CNTNAP3B: variants seen among roughly 807,000 people sequenced by gnomAD.
CNTNAP3B encodes contactin associated protein family member 3B, also known as contactin-associated protein-like 3B.
In CNTNAP3B, 25 loss-of-function variants were observed where a neutral mutation model predicts 108.9. The ratio of observed to expected loss-of-function variants is 0.23; its 90% CI spans 0.17 to 0.32. CNTNAP3B has a LOEUF of 0.32. Among genes scored for constraint, CNTNAP3B ranks in the 10% least tolerant of loss-of-function variants. The probability of loss-of-function intolerance (pLI) is 1.00; values close to 1 mark genes in which losing one functional copy is unlikely to be tolerated. For missense variants in CNTNAP3B, 252 were observed against 1,210.4 expected, an observed-to-expected ratio of 0.21 and a Z score of 11.75; for synonymous variants, 103 against 473.4, an observed-to-expected ratio of 0.22 and a Z score of 10.16.
chr9:41,939,323 T>G (rs1824260411), intron 13 of CNTNAP3B, among the ~76,000 whole-genome samples: 1 of 152,308 alleles, frequency 6.6e-6, no homozygotes, highest in Non-Finnish European at 1.5e-5. Flanking sequence ...TAAACATGCT[T>G]GATCATGTGG....
chr9:42,079,459 G>A (rs1436124837), intron 2 of CNTNAP3B, among the ~76,000 whole-genome samples: 1 of 119,058 alleles, frequency 8.4e-6, no homozygotes, highest in Non-Finnish European at 1.7e-5. Context: ...CAACACTACT[G>A]AAACTGTGTA....
chr9:42,001,381 C>G (rs1223869896), intron 4 of CNTNAP3B, among the ~76,000 whole-genome samples: 1 of 129,960 alleles, frequency 7.7e-6, no homozygotes, highest in African/African-American at 3.2e-5. Context: ...GTCACTGCAC[C>G]CCAGCCTGGG....
At chr9:41,950,747 C>CTTTT (rs1196034038) in intron 13 of CNTNAP3B, among the ~76,000 whole-genome samples, 16 of 92,416 alleles carry the variant, frequency 1.7e-4, no homozygotes, top group Non-Finnish European at 2.6e-4. Context: ...AGGAGGAATT[C>CTTTT]TTTTTTTTTT....
At chr9:42,115,000 G>A (rs1828280991) in intron 1 of CNTNAP3B, among the ~76,000 whole-genome samples, 1 of 137,160 alleles carries the variant, frequency 7.3e-6, no homozygotes, top group Admixed American at 7.3e-5. Context: ...GTTGCAGTGA[G>A]CCAAGATTGT....
intron 18 of CNTNAP3B, among the ~76,000 whole-genome samples, chr9:41,915,843 T>C (rs916541446): frequency 4.6e-5 from 7 of 151,368 alleles, no homozygotes; most frequent in East Asian, 3.9e-4. Context: ...TCCTACTAGG[T>C]TTTGGTATAT....
intron 1 of CNTNAP3B, among the ~76,000 whole-genome samples, chr9:42,116,672 A>T (rs1413342319): frequency 2.1e-5 from 3 of 139,970 alleles, no homozygotes; most frequent in African/African-American, 8.5e-5. Context: ...CACACATAAC[A>T]ATATTAACCT....
intron 7 of CNTNAP3B, chr9:41,994,514 C>T (rs931247401): frequency 1.6e-4 from 15 of 93,134 alleles, no homozygotes; most frequent in Non-Finnish European, 2.5e-4. Flanking sequence ...TGTTATCACT[C>T]TTCCCTTTGG....
chr9:42,078,829 CCA>C (rs1339610574), intron 2 of CNTNAP3B, among the ~76,000 whole-genome samples: 5 of 150,572 alleles, frequency 3.3e-5, no homozygotes, highest in Admixed American at 3.3e-4. Flanking sequence ...GGAACTACTT[CCA>C]CAGTTTCTTC....
At chr9:42,057,582 GA>G in intron 3 of CNTNAP3B, among the ~76,000 whole-genome samples, 1 of 121,004 alleles carries the variant, frequency 8.3e-6, no homozygotes, top group East Asian at 2.8e-4. Context: ...ATCCTTTTAT[GA>G]AAATTAATTT....
chr9:41,937,315 C>T (rs1412348743), intron 14 of CNTNAP3B, among the ~76,000 whole-genome samples: 159 of 151,818 alleles, frequency 1.0e-3, no homozygotes, highest in Non-Finnish European at 1.8e-3. Context: ...TCAGTGGAGA[C>T]GGGGTTTCGC....
chr9:41,958,301 TTTG>T (rs1255940006), intron 12 of CNTNAP3B, among the ~76,000 whole-genome samples: 226 of 152,222 alleles, frequency 1.5e-3, no homozygotes, highest in African/African-American at 4.5e-3. Context: ...ACAATGCTGT[TTTG>T]TTGTTGTTTT....
chr9:42,029,917 T>C (rs1419958851), intron 3 of CNTNAP3B, among the ~76,000 whole-genome samples: 1 of 28,604 alleles, frequency 3.5e-5, no homozygotes, highest in African/African-American at 1.1e-4. Context: ...CTGAGGTGGG[T>C]GGATCACGAG....
In CNTNAP3B at chr9:42,127,086, T is replaced by C. The variant is rs565065269; in HGVS notation, c.85+1924A>G. 7.8e-4 allele frequency among the ~76,000 whole-genome samples: 108 copies of C among 139,286 alleles called. 21 individuals are homozygous for C. Among genetic ancestry groups the C allele is most frequent in the African/African-American group, 3.1e-3 (108 of 35,090 alleles). The allele number at this position is 139,286 out of a possible 152,430, so 91.4% of individuals were successfully genotyped here. Reference sequence around the variant, plus strand: ...ACATAGTTTTATCTGGAAGAATTACTTGATCTAAAAGGTAATTTAAAATTA... The same window carrying C: ...ACATAGTTTTATCTGGAAGAATTACCTGATCTAAAAGGTAATTTAAAATTA... On this transcript the variant is annotated intron_variant, in intron 1 of 23. Coordinates refer to ENST00000377561, the MANE Select transcript of CNTNAP3B (RefSeq NM_001201380.3).
intron 1 of CNTNAP3B, among the ~76,000 whole-genome samples, chr9:42,112,145 G>A (rs1403158941): frequency 7.2e-6 from 1 of 139,770 alleles, no homozygotes; most frequent in African/African-American, 2.8e-5. Flanking sequence ...AATGTGGGAT[G>A]CATGCACCAA....
At chr9:41,947,251 A>G (rs1467299369) in intron 13 of CNTNAP3B, among the ~76,000 whole-genome samples, 24 of 152,032 alleles carry the variant, frequency 1.6e-4, no homozygotes, top group African/African-American at 5.8e-4. Context: ...TACAAGACAG[A>G]CCATATCCCT....
chr9:41,923,800 G>A lies in CNTNAP3B; in HGVS notation c.2536+123C>T, dbSNP rs1204761802. The A allele has an allele frequency of 1.4e-5, 21 of 1,457,614 alleles. No homozygotes were observed. In the African/African-American group the frequency reaches 2.0e-4, roughly 14 times the overall value. The allele number at this position is 1,457,614 out of a possible 1,614,324, so 90.3% of individuals were successfully genotyped here. On this transcript the variant is annotated intron_variant, in intron 16 of 23. Coordinates refer to ENST00000377561, the MANE Select transcript of CNTNAP3B (RefSeq NM_001201380.3). Reference sequence around the variant, plus strand: ...CAAAAAATTACCTAAAATCATAGAAGTTTAGTGTTTTATAATGAAATAGAA... The same window carrying A: ...CAAAAAATTACCTAAAATCATAGAAATTTAGTGTTTTATAATGAAATAGAA...
chr9:41,953,278 C>A lies in CNTNAP3B; in HGVS notation c.1985G>T (p.Gly662Val), dbSNP rs748638894. The change falls in exon 13 of 24, where the codon GGC (glycine) becomes GTC (valine). Residue 662 changes from glycine (G) to valine (V), a missense_variant. Physicochemically the swap from Gly to Val is moderately radical, Grantham distance 109 (BLOSUM62 -3). Transcript: ENST00000377561. The stretch of plus-strand genomic sequence containing the variant: ...CACCGCGGCCCGCAGCTGCCCCGCG[C>A]CCGCTGCGTACGCGAAGGACACAGC... ...LSAVSFAYAAGAGQLRAAVNL... is the reference protein window; with the variant it reads ...LSAVSFAYAAVAGQLRAAVNL... 1.3e-6 allele frequency: 2 copies of A among 1,528,600 alleles called. No homozygotes were observed. The highest frequency in any genetic ancestry group is 1.7e-6 in the Non-Finnish European group (2 of 1,145,876). 94.7% of individuals were successfully genotyped at this position (1,528,600 alleles called of 1,614,324 possible). A position where few individuals can be genotyped will look rare whatever the true frequency, so the allele number is the denominator to read the frequency against.
chr9:41,933,330 G>T (rs1184196054), intron 14 of CNTNAP3B, among the ~76,000 whole-genome samples: 1 of 152,300 alleles, frequency 6.6e-6, no homozygotes, highest in Non-Finnish European at 1.5e-5. Flanking sequence ...TGACAAAAAT[G>T]TCTTCAGACA....
chr9:41,894,393 G>A (rs1823384300), intron 23 of CNTNAP3B, among the ~76,000 whole-genome samples: 1 of 84,114 alleles, frequency 1.2e-5, no homozygotes, highest in Admixed American at 1.3e-4. Context: ...CTCCCAAATT[G>A]TTGGGATTAC....
Sources: allele counts gnomAD v4.1 joint callset (sites outside exome capture counted in the v4.1 genomes callset), GRCh38; gene constraint gnomAD v4.1.1; transcripts MANE v1.5; gene names NCBI Gene and HGNC (gene_info 2026-07-23, HGNC 2026-07-21).